The following RBFOX1 variants were observed in gnomAD, a reference collection of about 807,000 sequenced individuals.
RBFOX1 encodes the protein RNA binding protein fox-1 homolog 1.
A neutral mutation model predicts 57.7 loss-of-function variants in RBFOX1; 8 were observed. That is an observed-to-expected ratio of 0.14 (90% confidence interval 0.08 to 0.25). The LOEUF (loss-of-function observed/expected upper bound fraction) is 0.25, where lower values mean the gene tolerates loss of function less well. RBFOX1 is among the 10% of genes least tolerant of loss of function. The pLI, the probability that RBFOX1 is intolerant of heterozygous loss-of-function variation, is 1.00. For synonymous variants in RBFOX1, 326 were observed against 222.4 expected, an observed-to-expected ratio of 1.47 and a Z score of -4.15; for missense variants, 611 against 548.5, an observed-to-expected ratio of 1.11 and a Z score of -1.14.
chr16:6,256,178 TATATATAC>T lies in RBFOX1; in HGVS notation c.-126-60816_-126-60809del, dbSNP rs2097662070. Among the ~76,000 whole-genome samples, 2 of 19,298 alleles carry T rather than the reference TATATATAC, an allele frequency of 1.0e-4. 1 individual carries two copies. Among genetic ancestry groups the T allele is most frequent in the East Asian group, 0.011 (2 of 184 alleles). 12.7% of individuals were successfully genotyped at this position (19,298 alleles called of 152,430 possible). On this transcript the variant is annotated intron_variant, in intron 1 of 15. Transcript: ENST00000550418. Reference sequence around the variant, plus strand: ...ATATATGTATATATATATGTATATATATATATACGTATATATATGTATATGTATATGTG... The same window carrying T: ...ATATATGTATATATATATGTATATATGTATATATATGTATATGTATATGTG...
chr16:5,284,832 CCT>C (rs1268335473), intron 1 of RBFOX1, among the ~76,000 whole-genome samples: 1 of 137,998 alleles, frequency 7.2e-6, no homozygotes, highest in Non-Finnish European at 1.5e-5. Flanking sequence ...TGAGAAATCC[CCT>C]GTTAGCCTGA....
intron 3 of RBFOX1, among the ~76,000 whole-genome samples, chr16:6,750,658 G>C (rs186266844): frequency 6.6e-6 from 1 of 152,140 alleles, no homozygotes; most frequent in South Asian, 2.1e-4. Flanking sequence ...AATTATGCTG[G>C]GACAGGGGTG....
intron 4 of RBFOX1, among the ~76,000 whole-genome samples, chr16:7,094,854 A>G (rs890931797): frequency 2.6e-5 from 4 of 151,796 alleles, no homozygotes; most frequent in African/African-American, 9.7e-5. Flanking sequence ...TAAATAACTC[A>G]CTTATGGATA....
chr16:5,498,634 C>T (rs1013514527), intron 2 of RBFOX1, among the ~76,000 whole-genome samples: 2 of 152,188 alleles, frequency 1.3e-5, no homozygotes, highest in Non-Finnish European at 2.9e-5. Context: ...AAGATGATAG[C>T]TCAGGCTAGG....
chr16:5,603,074 G>A (rs1296720222), downstream of RBFOX1, among the ~76,000 whole-genome samples: 10 of 152,098 alleles, frequency 6.6e-5, no homozygotes, highest in South Asian at 2.1e-4. Flanking sequence ...GCATCTCACC[G>A]CCCTTCCTAC....
At chr16:5,817,420 G>C (rs1235457776) in intron 3 of RBFOX1, among the ~76,000 whole-genome samples, 2 of 152,190 alleles carry the variant, frequency 1.3e-5, no homozygotes, top group African/African-American at 4.8e-5. Flanking sequence ...TTTTTACAGT[G>C]CTTGGCACAG....
At chr16:6,712,687 C>G (rs2154153071) in intron 3 of RBFOX1, among the ~76,000 whole-genome samples, 1 of 152,164 alleles carries the variant, frequency 6.6e-6, no homozygotes, top group African/African-American at 2.4e-5. Context: ...AAAATGTCTC[C>G]TAAGTATCTC....
chr16:5,889,722 A>G (rs1240478586), intron 4 of RBFOX1, among the ~76,000 whole-genome samples: 1 of 152,180 alleles, frequency 6.6e-6, no homozygotes, highest in Non-Finnish European at 1.5e-5. Flanking sequence ...TGCTAGAGGG[A>G]TCTCACCTAG....
At chr16:6,355,931 G>A (rs2087239436) in intron 2 of RBFOX1, among the ~76,000 whole-genome samples, 1 of 152,176 alleles carries the variant, frequency 6.6e-6, no homozygotes, top group Non-Finnish European at 1.5e-5. Context: ...AATGGGTGTA[G>A]GTCAAGAAAA....
intron 3 of RBFOX1, among the ~76,000 whole-genome samples, chr16:6,737,694 T>A (rs546934769): frequency 2.6e-5 from 4 of 152,310 alleles, no homozygotes; most frequent in African/African-American, 9.6e-5. Context: ...CCTCAAAATG[T>A]CCCAGAGCCT....
rs569219184 is a variant in RBFOX1 at position 6,351,663 on chromosome 16, C to T, written c.-64+34606C>T. On this transcript the variant is annotated intron_variant, in intron 2 of 15. Transcript: ENST00000550418. The stretch of plus-strand genomic sequence containing the variant: ...TGTTGGGATTACAGGCATAAGCCAC[C>T]GCTCCCGGCCTAAGGGAATGTTTTC... Among the ~76,000 whole-genome samples, 7 of 152,032 alleles carry T rather than the reference C, an allele frequency of 4.6e-5. 1 individual carries two copies. Among genetic ancestry groups the T allele is most frequent in the South Asian group, 2.1e-4 (1 of 4,812 alleles).
chr16:6,611,465 A>T (rs750520112), intron 2 of RBFOX1, among the ~76,000 whole-genome samples: 1 of 152,096 alleles, frequency 6.6e-6, no homozygotes, highest in Admixed American at 6.6e-5. Flanking sequence ...CTGCTTTTAC[A>T]TGATGCTTCC....
chr16:5,735,659 G>A (rs1036115605), intron 3 of RBFOX1, among the ~76,000 whole-genome samples: 3 of 152,128 alleles, frequency 2.0e-5, no homozygotes, highest in Non-Finnish European at 4.4e-5. Context: ...CGCTTTGGGA[G>A]GCCAAAGTGG....
In RBFOX1 at chr16:7,047,659, A is replaced by G. The variant is rs1283302329; in HGVS notation, c.-15-4398A>G. Among the ~76,000 whole-genome samples, 3 of 138,010 alleles carry G rather than the reference A, an allele frequency of 2.2e-5. No homozygotes were observed. In the East Asian group the frequency reaches 6.2e-4, roughly 29 times the overall value. The allele number at this position is 138,010 out of a possible 152,430, so 90.5% of individuals were successfully genotyped here. On this transcript the variant is annotated intron_variant, in intron 3 of 15. Transcript: ENST00000550418. ...GAACTCTTTATCCTTATATTCTAGA[A>G]TTTCAGTAACATGAAATATTGTACG... is the stretch of plus-strand genomic sequence containing the variant.
intron 4 of RBFOX1, among the ~76,000 whole-genome samples, chr16:7,195,456 G>T (rs9806809): frequency 0.66 from 100,950 of 152,110 alleles, 34,683 homozygotes; most frequent in African/African-American, 0.85. Context: ...CTCTAATATT[G>T]GCAAGGCAAA....
intron 4 of RBFOX1, among the ~76,000 whole-genome samples, chr16:7,169,008 C>T (rs1231104481): frequency 6.6e-6 from 1 of 152,218 alleles, no homozygotes; most frequent in South Asian, 2.1e-4. Context: ...AACTATAGCA[C>T]AGAAATATAA....
At chr16:7,534,685 C>G (rs760134508) in intron 5 of RBFOX1, among the ~76,000 whole-genome samples, 1 of 152,076 alleles carries the variant, frequency 6.6e-6, no homozygotes, top group Non-Finnish European at 1.5e-5. Flanking sequence ...TGTATTTAGC[C>G]GGGGGAATGA....
At chr16:6,369,618 T>C (rs1206125176) in intron 2 of RBFOX1, among the ~76,000 whole-genome samples, 1 of 152,172 alleles carries the variant, frequency 6.6e-6, no homozygotes, top group Non-Finnish European at 1.5e-5. Context: ...ACTACCATGT[T>C]CCCCCACCAT....
chr16:5,375,841 T>A (rs2065970888), intron 1 of RBFOX1, among the ~76,000 whole-genome samples: 3 of 152,182 alleles, frequency 2.0e-5, no homozygotes, highest in Admixed American at 2.0e-4. Flanking sequence ...TAAGTGCCCT[T>A]TGCGATAAGA....
Sources: allele counts gnomAD v4.1 joint callset (sites outside exome capture counted in the v4.1 genomes callset), GRCh38; gene constraint gnomAD v4.1.1; transcripts MANE v1.5; gene names NCBI Gene and HGNC (gene_info 2026-07-23, HGNC 2026-07-21).